The following FAM149A variants were observed in gnomAD, a reference collection of about 807,000 sequenced individuals.
FAM149A encodes the protein family with sequence similarity 149 member A, also known as protein FAM149A.
A neutral mutation model predicts 78.2 loss-of-function variants in FAM149A; 71 were observed. That is an observed-to-expected ratio of 0.91 (90% CI 0.75 to 1.11). The LOEUF (loss-of-function observed/expected upper bound fraction) is 1.11, where lower values mean the gene tolerates loss of function less well. Among genes scored for constraint, FAM149A ranks in the 50% least tolerant of loss-of-function variants. The probability of loss-of-function intolerance (pLI) is 0.00; values close to 1 mark genes in which losing one functional copy is unlikely to be tolerated. For synonymous variants in FAM149A, 446 were observed against 410.5 expected, an observed-to-expected ratio of 1.09 and a Z score of -1.04; for missense variants, 1,036 against 971.0, an observed-to-expected ratio of 1.07 and a Z score of -0.89.
chr4:186,108,660 C>T (rs2099309790), intron 1 of FAM149A, among the ~76,000 whole-genome samples: 1 of 152,092 alleles, frequency 6.6e-6, no homozygotes, highest in African/African-American at 2.4e-5. Context: ...TCTGTCTTCA[C>T]CTCACTTTCC....
At chr4:186,106,133 G>C (rs1306352282) in intron 1 of FAM149A, among the ~76,000 whole-genome samples, 2 of 152,172 alleles carry the variant, frequency 1.3e-5, no homozygotes, top group Non-Finnish European at 2.9e-5. Context: ...GTGACATCTA[G>C]TTAATTTACA....
intron 1 of FAM149A, among the ~76,000 whole-genome samples, chr4:186,106,004 A>C (rs2099308620): frequency 6.6e-6 from 1 of 152,188 alleles, no homozygotes; most frequent in Admixed American, 6.5e-5. Context: ...GCAGGTGTGC[A>C]GGGAAACCGA....
At position 186,164,826 on chromosome 4, in the gene FAM149A, A is replaced by G. The variant is rs1734895201; in HGVS notation, c.1890-518A>G. Among the ~76,000 whole-genome samples the G allele has an allele frequency of 6.6e-6, 1 of 151,894 alleles. No individual in the cohort carries two copies. Among genetic ancestry groups the G allele is most frequent in the Non-Finnish European group, 1.5e-5 (1 of 67,970 alleles). ...ACCCCTCCCTCCCTGTGGGCTGCTG[A>G]TTTTTCAGCTTTCTTTTTATTATTG... On this transcript the variant is annotated intron_variant, in intron 10 of 13. Transcript: ENST00000389354. This position sits in a 1 kb window ranked among gnomAD's most constrained non-coding sequence, Gnocchi z 4.0.
intron 1 of FAM149A, among the ~76,000 whole-genome samples, chr4:186,136,982 C>T (rs1393019138): frequency 1.1e-3 from 135 of 120,312 alleles, no homozygotes; most frequent in African/African-American, 3.8e-3. Flanking sequence ...CTCTTTCTCT[C>T]TCTCTCTCTC....
chr4:186,125,875 A>T, intron 1 of FAM149A: 1 of 985,370 alleles, frequency 1.0e-6, no homozygotes, highest in South Asian at 4.7e-5. Context: ...AGAGGAGTGG[A>T]ATCACACGAA....
intron 8 of FAM149A, among the ~76,000 whole-genome samples, chr4:186,162,483 G>A (rs567862230): frequency 2.0e-5 from 3 of 152,260 alleles, no homozygotes; most frequent in African/African-American, 7.2e-5. Context: ...AGAGCATGGG[G>A]GGAGACTGAA....
Position 186,105,493 on chromosome 4 carries a change from G to T in FAM149A, c.417G>T (p.Ala139=). The change falls in exon 1 of 14, where the codon GCG becomes GCT. Residue 139 remains alanine, a synonymous_variant. Coordinates refer to ENST00000389354, the MANE Select transcript of FAM149A (RefSeq NM_001367768.3). ...CGGGCCCCGGCGGGGTCTGGGCCGC[G>T]CTCCCCAGGAACCCGCTCCAGCCTG... The T allele has an allele frequency of 8.3e-7, 1 of 1,198,350 alleles. No individual in the cohort carries two copies. Among genetic ancestry groups the T allele is most frequent in the Non-Finnish European group, 1.1e-6 (1 of 951,694 alleles). 74.2% of individuals were successfully genotyped at this position (1,198,350 alleles called of 1,614,324 possible).
At chr4:186,146,406 C>T in intron 1 of FAM149A, 3 of 962,604 alleles carry the variant, frequency 3.1e-6, no homozygotes, top group Non-Finnish European at 3.7e-6. Flanking sequence ...ACCTCCTGGG[C>T]TCAGCTCTGC....
chr4:186,137,000 C>CTCTCTCTCTCTCTCTTTCTCTCTT (rs1561396555), intron 1 of FAM149A, among the ~76,000 whole-genome samples: 2 of 136,850 alleles, frequency 1.5e-5, no homozygotes, highest in African/African-American at 5.7e-5. Flanking sequence ...CTCTCTCTCT[C>CTCTCTCTCTCTCTCTTTCTCTCTT]TCTCTCTCTC....
At chr4:186,151,813 G>C in intron 3 of FAM149A, 90 bp from the exon 4 acceptor site, 12 of 1,531,160 alleles carry the variant, frequency 7.8e-6, no homozygotes, top group Non-Finnish European at 1.1e-5. Flanking sequence ...CCTACATAGT[G>C]GGTGACAGTA....
rs148476551 is a variant in FAM149A at position 186,121,706 on chromosome 4, G to T, written c.566+16064G>T. ...CACACGTTGACCCCACCTAACGTGGGACTGAAAACGATGAGTGTGGTGCTG... is the reference window on the plus strand; with the variant it reads ...CACACGTTGACCCCACCTAACGTGGTACTGAAAACGATGAGTGTGGTGCTG... On this transcript the variant is annotated intron_variant, in intron 1 of 13. Coordinates refer to ENST00000389354, the MANE Select transcript of FAM149A (RefSeq NM_001367768.3). Among the ~76,000 whole-genome samples, 254 of 152,296 alleles carry T rather than the reference G, an allele frequency of 1.7e-3. 2 individuals carry two copies. The highest frequency in any genetic ancestry group is 5.8e-3 in the African/African-American group (241 of 41,542).
chr4:186,112,352 T>G (rs1278709199), intron 1 of FAM149A, among the ~76,000 whole-genome samples: 1 of 139,042 alleles, frequency 7.2e-6, no homozygotes, highest in South Asian at 2.4e-4. Context: ...ACAGGGACAA[T>G]TTGACTTCCT....
chr4:186,140,102 A>G (rs1178670862), intron 1 of FAM149A, among the ~76,000 whole-genome samples: 3 of 152,230 alleles, frequency 2.0e-5, no homozygotes, highest in Admixed American at 1.3e-4. Context: ...GAAGACAGTA[A>G]TATTAGCCTT....
intron 1 of FAM149A, among the ~76,000 whole-genome samples, chr4:186,142,590 C>T (rs1244930984): frequency 2.0e-5 from 3 of 152,314 alleles, no homozygotes; most frequent in African/African-American, 4.8e-5. Context: ...ATAGAGCTGA[C>T]GGCTTCTGCC....
chr4:186,167,732 G>A lies in FAM149A; in HGVS notation c.2218+470G>A, dbSNP rs1489063841. On this transcript the variant is annotated intron_variant, in intron 13 of 13. Coordinates refer to ENST00000389354, the MANE Select transcript of FAM149A (RefSeq NM_001367768.3). ...TTCTCAGCCTGGTATGCTGTTTGCA[G>A]GATATTCTAGTTTGAATACGGGCCA... The A allele has an allele frequency of 1.6e-5, 4 of 248,048 alleles. No individual in the cohort carries two copies. The East Asian group carries it at 2.9e-4, about 18-fold the overall frequency. 15.4% of individuals were successfully genotyped at this position (248,048 alleles called of 1,614,324 possible).
At chr4:186,152,207 G>A (rs985831976) in intron 4 of FAM149A, among the ~76,000 whole-genome samples, 162 bp downstream of exon 4, 1 of 152,170 alleles carries the variant, frequency 6.6e-6, no homozygotes, top group African/African-American at 2.4e-5. Flanking sequence ...CTCTTACGGC[G>A]TCTGAGGAAA....
Position 186,105,659 on chromosome 4 carries a change from T to G in FAM149A, c.566+17T>G, listed in dbSNP as rs1579745175. On this transcript the variant is annotated intron_variant, in intron 1 of 13. Coordinates refer to ENST00000389354, the MANE Select transcript of FAM149A (RefSeq NM_001367768.3). ...TGGCGAAGCGTGAGTAGCAGCGTGG[T>G]CCGGGCGCGTGTACCTTTTGCCGGG... 3 of 1,052,348 alleles carry G rather than the reference T, an allele frequency of 2.9e-6. No homozygotes were observed. The highest frequency in any genetic ancestry group is 3.5e-6 in the Non-Finnish European group (3 of 868,164). 65.2% of individuals were successfully genotyped at this position (1,052,348 alleles called of 1,614,324 possible).
At chr4:186,146,356 G>A (rs1014441181) in intron 1 of FAM149A, 3 of 461,832 alleles carry the variant, frequency 6.5e-6, no homozygotes, top group African/African-American at 4.2e-5. Flanking sequence ...TGGTGTGACT[G>A]TTACCCAACT....
chr4:186,125,808 T>C (rs1519316), intron 1 of FAM149A: 983,863 of 985,390 alleles, frequency 1, 491,188 homozygotes, highest in East Asian at 1. Context: ...CCCAACCGTT[T>C]GGAAGGGAGG....
Sources: allele counts gnomAD v4.1 joint callset (sites outside exome capture counted in the v4.1 genomes callset), GRCh38; gene constraint gnomAD v4.1.1; non-coding constraint Gnocchi (gnomAD v3.1); transcripts MANE v1.5; gene names NCBI Gene and HGNC (gene_info 2026-07-23, HGNC 2026-07-21).